TUBGCP4: variants seen among roughly 807,000 people sequenced by gnomAD.
TUBGCP4 encodes tubulin gamma complex component 4, also known as gamma-tubulin complex component 4.
Under a neutral mutation model 91.6 loss-of-function variants are expected in TUBGCP4, and 54 were observed. The ratio of observed to expected loss-of-function variants is 0.59; its 90% confidence interval spans 0.47 to 0.74. The LOEUF is 0.74. TUBGCP4 is among the 30% of genes least tolerant of loss of function. The pLI, the probability that TUBGCP4 is intolerant of heterozygous loss-of-function variation, is 0.00. For synonymous variants in TUBGCP4, 297 were observed against 302.8 expected, an observed-to-expected ratio of 0.98 and a Z score of 0.20; for missense variants, 593 against 800.9, an observed-to-expected ratio of 0.74 and a Z score of 3.13.
At position 43,408,835 on chromosome 15, in the gene TUBGCP4, CTT is replaced by C; in HGVS notation, c.*3622_*3623del. The C allele has an allele frequency of 1.3e-6, 2 of 1,532,180 alleles. No individual in the cohort carries two copies. Among genetic ancestry groups the C allele is most frequent in the Non-Finnish European group, 1.8e-6 (2 of 1,107,868 alleles). The allele number at this position is 1,532,180 out of a possible 1,614,324, so 94.9% of individuals were successfully genotyped here. A position where few individuals can be genotyped will look rare whatever the true frequency, so the allele number is the denominator to read the frequency against. ...AGCTTTACTCTCTCACCTAGATTCTCTTCCCTCCAAAGCTTGCTGTCCTCCTG... is the reference window on the plus strand; with the variant it reads ...AGCTTTACTCTCTCACCTAGATTCTCCCCTCCAAAGCTTGCTGTCCTCCTG... On this transcript the variant is annotated 3_prime_UTR_variant, in exon 18 of 18. Coordinates refer to ENST00000564079, the MANE Select transcript of TUBGCP4 (RefSeq NM_014444.5).
Position 43,405,338 on chromosome 15 carries a change from T to C in TUBGCP4, c.*124T>C. On this transcript the variant is annotated 3_prime_UTR_variant, in exon 18 of 18. Transcript: ENST00000564079. Reference sequence around the variant, plus strand: ...CGGCTTAGTGATAGGACTCTACCTTTTCTCCTAGAAGCAGTTACTGAACAT... The same window carrying C: ...CGGCTTAGTGATAGGACTCTACCTTCTCTCCTAGAAGCAGTTACTGAACAT... The C allele has an allele frequency of 9.0e-7, 1 of 1,110,568 alleles. No homozygotes were observed. The highest frequency in any genetic ancestry group is 2.5e-5 in the East Asian group (1 of 40,284). 68.8% of individuals were successfully genotyped at this position (1,110,568 alleles called of 1,614,324 possible).
chr15:43,400,504 C>T (rs1311771673), intron 14 of TUBGCP4, among the ~76,000 whole-genome samples: 4 of 152,128 alleles, frequency 2.6e-5, no homozygotes, highest in Non-Finnish European at 4.4e-5. Context: ...CTCAAGTGAT[C>T]CCCCTGCCTC....
rs1019610586 is a variant in TUBGCP4, at chr15:43,406,468, C to G, written c.*1254C>G. 2.6e-6 allele frequency: 1 copy of G among 384,122 alleles called. No individual in the cohort carries two copies. The highest frequency in any genetic ancestry group is 5.2e-6 in the Non-Finnish European group (1 of 193,852). 23.8% of individuals were successfully genotyped at this position (384,122 alleles called of 1,614,324 possible). On this transcript the variant is annotated 3_prime_UTR_variant, in exon 18 of 18. Transcript: ENST00000564079. ...TGCTGTCTGTTTTTGTACAGTTTTA[C>G]TGAAACACAGCCATGCCCATTTGTT...
intron 9 of TUBGCP4, chr15:43,391,568 C>G (rs753427006): frequency 1.3e-5 from 2 of 152,158 alleles, no homozygotes; most frequent in Non-Finnish European, 2.9e-5. Flanking sequence ...ACCTGGTGGT[C>G]CCCCACTCCC....
Position 43,409,599 on chromosome 15 carries a change from G to T in TUBGCP4, c.*4385G>T. On this transcript the variant is annotated 3_prime_UTR_variant, in exon 18 of 18. Coordinates refer to ENST00000564079, the MANE Select transcript of TUBGCP4 (RefSeq NM_014444.5). ...AGGCCTCTTCTCAACACAGCAAGTT[G>T]GCTCTTATCATTGCCACTATATTAG... The T allele has an allele frequency of 9.6e-7, 1 of 1,040,764 alleles. No homozygotes were observed. The highest frequency in any genetic ancestry group is 1.4e-6 in the Non-Finnish European group (1 of 719,982). The allele number at this position is 1,040,764 out of a possible 1,614,324, so 64.5% of individuals were successfully genotyped here. A position where few individuals can be genotyped will look rare whatever the true frequency, so the allele number is the denominator to read the frequency against.
intron 9 of TUBGCP4, among the ~76,000 whole-genome samples, chr15:43,389,628 T>C (rs1379709279): frequency 1.3e-5 from 2 of 152,222 alleles, no homozygotes; most frequent in Non-Finnish European, 2.9e-5. Context: ...GATTTTGAGA[T>C]ACTGATTCTT....
intron 1 of TUBGCP4, among the ~76,000 whole-genome samples, chr15:43,372,172 T>C (rs1195888555): frequency 6.6e-6 from 1 of 152,174 alleles, no homozygotes; most frequent in Non-Finnish European, 1.5e-5. Flanking sequence ...TTTAGTCCAC[T>C]TAGGTATTGT....
At position 43,407,556 on chromosome 15, in the gene TUBGCP4, C is replaced by T. The variant is rs143175833; in HGVS notation, c.*2342C>T. On this transcript the variant is annotated 3_prime_UTR_variant, in exon 18 of 18. Transcript: ENST00000564079. Reference sequence around the variant, plus strand: ...GGGTCCGTCACCACCACATCAAATACCCCTAAAGCAATATCTGCAAGGAGC... The same window carrying T: ...GGGTCCGTCACCACCACATCAAATATCCCTAAAGCAATATCTGCAAGGAGC... The T allele has an allele frequency of 2.4e-5, 39 of 1,611,830 alleles. No homozygotes were observed. Among genetic ancestry groups the T allele is most frequent in the Admixed American group, 1.2e-4 (7 of 59,768 alleles).
chr15:43,407,930 C>CTCTT lies in TUBGCP4; in HGVS notation c.*2719_*2722dup. 3.1e-6 allele frequency: 5 copies of CTCTT among 1,608,072 alleles called. No individual in the cohort carries two copies. Among genetic ancestry groups the CTCTT allele is most frequent in the Non-Finnish European group, 3.4e-6 (4 of 1,178,974 alleles). On this transcript the variant is annotated 3_prime_UTR_variant, in exon 18 of 18. Coordinates refer to ENST00000564079, the MANE Select transcript of TUBGCP4 (RefSeq NM_014444.5). ...CCCTGGAACAAAGACACTACACACACTCTTTCAGGTACCTTTGTTATGGGC... is the reference window on the plus strand; with the variant it reads ...CCCTGGAACAAAGACACTACACACACTCTTTCTTTCAGGTACCTTTGTTATGGGC...
In TUBGCP4 at chr15:43,395,631, T is replaced by G. The variant is rs1195787776; in HGVS notation, c.1114T>G (p.Phe372Val). The G allele has an allele frequency of 1.2e-6, 2 of 1,614,122 alleles. No individual in the cohort carries two copies. Among genetic ancestry groups the G allele is most frequent in the Non-Finnish European group, 1.7e-6 (2 of 1,179,978 alleles). Residue 372 changes from phenylalanine to valine, a missense_variant, in exon 11 of 18, where the codon TTC (phenylalanine) becomes GTC (valine). Transcript: ENST00000564079. ...LLGRGELFQAFIDTAQHMLKT... is the reference protein window; with the variant it reads ...LLGRGELFQAVIDTAQHMLKT... ...GGGACGTGGAGAACTGTTTCAGGCC[T>G]TCATTGACACAGCTCAACACATGTT...
At chr15:43,371,985 C>T (rs1187571342) in intron 1 of TUBGCP4, among the ~76,000 whole-genome samples, 1 of 152,130 alleles carries the variant, frequency 6.6e-6, no homozygotes, top group African/African-American at 2.4e-5. Flanking sequence ...ATTTAATCCT[C>T]ACAACCACCT....
intron 1 of TUBGCP4, 66 bp downstream of exon 1, chr15:43,371,498 G>A (rs1469983236): frequency 6.5e-7 from 1 of 1,531,202 alleles, no homozygotes; most frequent in African/African-American, 1.4e-5. Flanking sequence ...CAGCGCCTGG[G>A]GGAGTAGGCT....
At position 43,409,636 on chromosome 15, in the gene TUBGCP4, A is replaced by T; in HGVS notation, c.*4422A>T. The T allele has an allele frequency of 4.0e-6, 6 of 1,488,430 alleles. No individual in the cohort carries two copies. The highest frequency in any genetic ancestry group is 1.3e-5 in the South Asian group (1 of 75,230). 92.2% of individuals were successfully genotyped at this position (1,488,430 alleles called of 1,614,324 possible). On this transcript the variant is annotated 3_prime_UTR_variant, in exon 18 of 18. Coordinates refer to ENST00000564079, the MANE Select transcript of TUBGCP4 (RefSeq NM_014444.5). The stretch of plus-strand genomic sequence containing the variant: ...TGCCACTATATTAGGTTACACAAAG[A>T]AACTCCTCACCTGGGCTTCATTGAA...
At position 43,371,166 on chromosome 15, in the gene TUBGCP4, C is replaced by G. The variant is rs572882246; in HGVS notation, c.-189C>G. On this transcript the variant is annotated 5_prime_UTR_variant, in exon 1 of 18. Coordinates refer to ENST00000564079, the MANE Select transcript of TUBGCP4 (RefSeq NM_014444.5). ...GTTGAGCTGCCGAACTTCCGGGACT[C>G]CCCCGCGACCCCTTCCCAGCTTCCC... 51 of 630,856 alleles carry G rather than the reference C, an allele frequency of 8.1e-5. No homozygotes were observed. Among genetic ancestry groups the G allele is most frequent in the Non-Finnish European group, 1.3e-4 (45 of 356,004 alleles). The allele number at this position is 630,856 out of a possible 1,614,324, so 39.1% of individuals were successfully genotyped here.
rs2044965689 is a variant in TUBGCP4, at chr15:43,407,870, A to G, written c.*2656A>G. 2.7e-5 allele frequency: 39 copies of G among 1,455,286 alleles called. No homozygotes were observed. Among genetic ancestry groups the G allele is most frequent in the Non-Finnish European group, 3.5e-5 (38 of 1,079,928 alleles). The allele number at this position is 1,455,286 out of a possible 1,614,324, so 90.1% of individuals were successfully genotyped here. On this transcript the variant is annotated 3_prime_UTR_variant, in exon 18 of 18. Coordinates refer to ENST00000564079, the MANE Select transcript of TUBGCP4 (RefSeq NM_014444.5). ...TCAACCTATTAGGCCTGAGCCTTGG[A>G]CCACAAGGCCTAACACCTACAGGTC...
intron 17 of TUBGCP4, 81 bp downstream of exon 17, chr15:43,404,633 G>T (rs1034006490): frequency 2.0e-5 from 30 of 1,480,018 alleles, no homozygotes; most frequent in Non-Finnish European, 2.7e-5. Flanking sequence ...ACTGGAAGAA[G>T]ACTTTAGTCC....
intron 9 of TUBGCP4, among the ~76,000 whole-genome samples, chr15:43,388,533 G>A (rs530367555): frequency 3.9e-5 from 6 of 152,342 alleles, no homozygotes; most frequent in African/African-American, 1.4e-4. Context: ...CTAGTCTAGA[G>A]GGGTTGGTAT....
In TUBGCP4 at chr15:43,408,827, T is replaced by A. The variant is rs528140607; in HGVS notation, c.*3613T>A. Reference sequence around the variant, plus strand: ...TTCTAGAAAGCTTTACTCTCTCACCTAGATTCTCTTCCCTCCAAAGCTTGC... The same window carrying A: ...TTCTAGAAAGCTTTACTCTCTCACCAAGATTCTCTTCCCTCCAAAGCTTGC... On this transcript the variant is annotated 3_prime_UTR_variant, in exon 18 of 18. Coordinates refer to ENST00000564079, the MANE Select transcript of TUBGCP4 (RefSeq NM_014444.5). 23 of 1,490,586 alleles carry A rather than the reference T, an allele frequency of 1.5e-5. No homozygotes were observed. In the Admixed American group the frequency reaches 2.0e-4, roughly 13 times the overall value. The allele number at this position is 1,490,586 out of a possible 1,614,324, so 92.3% of individuals were successfully genotyped here. A position where few individuals can be genotyped will look rare whatever the true frequency, so the allele number is the denominator to read the frequency against.
At chr15:43,380,763 A>G (rs2044274180) in intron 6 of TUBGCP4, among the ~76,000 whole-genome samples, 1 of 152,226 alleles carries the variant, frequency 6.6e-6, no homozygotes, top group Non-Finnish European at 1.5e-5. Context: ...ACTATTTTAT[A>G]TAAATATGTA....
Sources: allele counts gnomAD v4.1 joint callset (sites outside exome capture counted in the v4.1 genomes callset), GRCh38; gene constraint gnomAD v4.1.1; transcripts MANE v1.5; gene names NCBI Gene and HGNC (gene_info 2026-07-23, HGNC 2026-07-21).